CES5A: variants seen among roughly 807,000 people sequenced by gnomAD.
CES5A encodes the protein carboxylesterase 5A, also known as carboxylesterase 5.
In CES5A, 67 loss-of-function variants were observed where a neutral mutation model predicts 62.9. That is an observed-to-expected ratio of 1.07 (90% CI 0.88 to 1.31). The LOEUF (loss-of-function observed/expected upper bound fraction) is 1.31. Ranked by LOEUF, CES5A falls within the 50% of genes most tolerant of loss-of-function variation. The pLI is 0.00. For synonymous variants in CES5A, 296 were observed against 280.8 expected (o/e 1.05, Z -0.54); for missense variants, 748 against 708.5 (o/e 1.06, Z -0.63).
chr16:55,856,994 A>G (rs1337359991), intron 8 of CES5A, among the ~76,000 whole-genome samples: 2 of 152,224 alleles, frequency 1.3e-5, no homozygotes, highest in Non-Finnish European at 2.9e-5. Flanking sequence ...TTATGGCAGC[A>G]CTGACTGCCT....
At chr16:55,886,860 C>CATGATACATGGGATTA (rs2033820998) in intron 1 of CES5A, among the ~76,000 whole-genome samples, 2 of 151,990 alleles carry the variant, frequency 1.3e-5, no homozygotes, top group Admixed American at 1.3e-4. Context: ...CTATGTAATC[C>CATGATACATGGGATTA]CATGATTACA....
At chr16:55,869,094 CACAA>C (rs1343454802) in intron 4 of CES5A, among the ~76,000 whole-genome samples, 2 of 152,236 alleles carry the variant, frequency 1.3e-5, no homozygotes, top group African/African-American at 2.4e-5. Flanking sequence ...CGACTGCTCA[CACAA>C]ACAGTGTCCT....
intron 11 of CES5A, among the ~76,000 whole-genome samples, chr16:55,847,697 A>G (rs1042007735): frequency 6.6e-6 from 1 of 152,178 alleles, no homozygotes; most frequent in African/African-American, 2.4e-5. Flanking sequence ...TCACTTATCA[A>G]ACTGCCATTT....
chr16:55,846,239 T>C lies in CES5A; in HGVS notation c.*212A>G, dbSNP rs1212474796. 2 of 586,980 alleles carry C rather than the reference T, an allele frequency of 3.4e-6. No homozygotes were observed. The highest frequency in any genetic ancestry group is 6.0e-6 in the Non-Finnish European group (2 of 331,558). 36.4% of individuals were successfully genotyped at this position (586,980 alleles called of 1,614,324 possible). On this transcript the variant is annotated 3_prime_UTR_variant, in exon 13 of 13. Transcript: ENST00000290567. The stretch of plus-strand genomic sequence containing the variant: ...TAGGCCAGCCCTCTTCCAAATTTAT[T>C]GAAGAAATCTTGTTGCCTTCCAAGA...
At chr16:55,880,658 G>C (rs2033752377) in intron 1 of CES5A, among the ~76,000 whole-genome samples, 1 of 152,188 alleles carries the variant, frequency 6.6e-6, no homozygotes, top group South Asian at 2.1e-4. Flanking sequence ...GTCAGTGGTG[G>C]ACTGGGATGT....
chr16:55,859,459 G>A (rs781534495), intron 8 of CES5A, 88 bp downstream of exon 8: 4 of 1,327,822 alleles, frequency 3.0e-6, no homozygotes, highest in Non-Finnish European at 4.2e-6. Flanking sequence ...TACAATACCT[G>A]ATGTCTTCTG....
At chr16:55,887,295 C>G (rs1450197628) in intron 1 of CES5A, among the ~76,000 whole-genome samples, 1 of 151,342 alleles carries the variant, frequency 6.6e-6, no homozygotes, top group Non-Finnish European at 1.5e-5. Context: ...CAACAGTTGA[C>G]CGGTTGACCC....
intron 1 of CES5A, among the ~76,000 whole-genome samples, chr16:55,894,770 C>T (rs1226525295): frequency 6.6e-6 from 1 of 152,192 alleles, no homozygotes; most frequent in East Asian, 1.9e-4. Flanking sequence ...CCCTCTTCCA[C>T]TCTTTAGTTC....
At chr16:55,909,728 C>A (rs2034074611) in intron 1 of CES5A, among the ~76,000 whole-genome samples, 1 of 152,202 alleles carries the variant, frequency 6.6e-6, no homozygotes, top group Admixed American at 6.5e-5. Context: ...TGTGGCCCCA[C>A]CTAGCTCTAT....
intron 2 of CES5A, among the ~76,000 whole-genome samples, chr16:55,938,223 G>A (rs1857053548): frequency 6.6e-6 from 1 of 152,068 alleles, no homozygotes; most frequent in Non-Finnish European, 1.5e-5. Context: ...AATAAACTCT[G>A]GCCCACAGCC....
chr16:55,922,686 A>G (rs1184928247), intron 1 of CES5A, among the ~76,000 whole-genome samples: 1 of 151,924 alleles, frequency 6.6e-6, no homozygotes, highest in African/African-American at 2.4e-5. Context: ...ACACTACATA[A>G]TAAGCCTAAC....
chr16:55,863,834 G>A (rs2033403274), intron 5 of CES5A, among the ~76,000 whole-genome samples: 1 of 150,070 alleles, frequency 6.7e-6, no homozygotes, highest in African/African-American at 2.5e-5. Flanking sequence ...TCACCTCACT[G>A]CAACCTCCGA....
chr16:55,921,215 A>T (rs759671348), intron 1 of CES5A, among the ~76,000 whole-genome samples: 8 of 152,176 alleles, frequency 5.3e-5, no homozygotes, highest in Non-Finnish European at 1.0e-4. Context: ...AAGAGAAAAA[A>T]CTTCCCCAAA....
At chr16:55,954,383 T>C (rs1310274608) in intron 1 of CES5A, among the ~76,000 whole-genome samples, 1 of 152,194 alleles carries the variant, frequency 6.6e-6, no homozygotes, top group Non-Finnish European at 1.5e-5. Context: ...AAACAAAGCC[T>C]GGAGACACGC....
At chr16:55,900,218 G>T (rs991120387) in intron 1 of CES5A, among the ~76,000 whole-genome samples, 1 of 152,180 alleles carries the variant, frequency 6.6e-6, no homozygotes, top group African/African-American at 2.4e-5. Flanking sequence ...CCCAGGAGAA[G>T]TTTCCCAGAG....
intron 1 of CES5A, among the ~76,000 whole-genome samples, chr16:55,953,814 C>G (rs1478927435): frequency 2.0e-5 from 3 of 152,080 alleles, no homozygotes; most frequent in African/African-American, 7.2e-5. Context: ...GATGTAGGCA[C>G]GCAATGTGTA....
At chr16:55,854,297 C>G (rs1282742511) in intron 9 of CES5A, among the ~76,000 whole-genome samples, 1 of 152,070 alleles carries the variant, frequency 6.6e-6, no homozygotes, top group Admixed American at 6.5e-5. Flanking sequence ...TCCCGCACAG[C>G]CTACTTCCCA....
intron 4 of CES5A, among the ~76,000 whole-genome samples, chr16:55,866,658 T>TAAAAAAAAAAAAAAAAAAAAAAAA (rs369679801): frequency 2.5e-4 from 21 of 82,836 alleles, no homozygotes; most frequent in South Asian, 4.2e-4. Flanking sequence ...CTGTCTCTGC[T>TAAAAAAAAAAAAAAAAAAAAAAAA]AAAAAAAAAA....
At chr16:55,905,180 C>T (rs1250695346) in intron 1 of CES5A, among the ~76,000 whole-genome samples, 1 of 152,088 alleles carries the variant, frequency 6.6e-6, no homozygotes, top group Non-Finnish European at 1.5e-5. Flanking sequence ...CAAAGTCCTG[C>T]CCTCCCCATC....
Sources: allele counts gnomAD v4.1 joint callset (sites outside exome capture counted in the v4.1 genomes callset), GRCh38; gene constraint gnomAD v4.1.1; transcripts MANE v1.5; gene names NCBI Gene and HGNC (gene_info 2026-07-23, HGNC 2026-07-21).